The following NPIPB7 variants were observed in gnomAD, a reference collection of about 807,000 sequenced individuals.
The protein encoded by NPIPB7 is nuclear pore complex interacting protein family member B7.
For synonymous variants in NPIPB7, 9 were observed against 88.1 expected (o/e 0.10, Z 5.03); for missense variants, 14 against 238.5 (o/e 0.06, Z 6.20).
At chr16:28,465,479 G>T (rs1177261183) in intron 2 of NPIPB7, among the ~76,000 whole-genome samples, 28 of 133,322 alleles carry the variant, frequency 2.1e-4, no homozygotes, top group African/African-American at 7.5e-4. Flanking sequence ...AGGGAGACTC[G>T]TCTCGGGGGT....
intron 2 of NPIPB7, among the ~76,000 whole-genome samples, chr16:28,465,537 A>T (rs1378991310): frequency 1.1e-4 from 16 of 148,186 alleles, no homozygotes; most frequent in African/African-American, 3.9e-4. Context: ...TTATACCGAA[A>T]ATTCTCTGTT....
chr16:28,459,039 C>CA (rs1176997255), intron 4 of NPIPB7, among the ~76,000 whole-genome samples: 1 of 111,696 alleles, frequency 9.0e-6, no homozygotes, highest in Non-Finnish European at 2.0e-5. Flanking sequence ...AAAACAAAAA[C>CA]AAAAACAAAA....
chr16:28,469,275 C>G (rs71225383), intron 1 of NPIPB7, among the ~76,000 whole-genome samples: 1,337 of 101,088 alleles, frequency 0.013, 5 homozygotes, highest in Middle Eastern at 0.026. Context: ...GCTGGGAAGA[C>G]TGAGAGTTCA....
chr16:28,470,537 G>T (rs1596614776), exon 1 of NPIPB7: 2 of 425,406 alleles, frequency 4.7e-6, no homozygotes, highest in African/African-American at 4.7e-5. Flanking sequence ...GGCCGGATCT[G>T]AGTTGGGGCG....
intron 2 of NPIPB7, among the ~76,000 whole-genome samples, chr16:28,463,370 G>A (rs1166605150): frequency 1.7e-5 from 2 of 115,940 alleles, no homozygotes; most frequent in African/African-American, 3.2e-5. Context: ...CAGCCTGAGC[G>A]ACAGAATGAG....
chr16:28,470,596 GAGGGGA>G (rs2045941351), upstream of NPIPB7: 5 of 44,772 alleles, frequency 1.1e-4, no homozygotes, highest in African/African-American at 1.0e-3. Flanking sequence ...AGGGGAGGGG[GAGGGGA>G]AGGGGAAGGG....
In NPIPB7 at chr16:28,468,702, G is replaced by T. The variant is rs1425626288; in HGVS notation, c.66+1671C>A. On this transcript the variant is annotated intron_variant, in intron 1 of 6. Transcript: ENST00000452313. ...CGTGCCTACAGTTCCAGCTACTTGG[G>T]AGGCTGAGGCAGAAGAATCACTTGA... Among the ~76,000 whole-genome samples, 3 of 138,984 alleles carry T rather than the reference G, an allele frequency of 2.2e-5. No homozygotes were observed. In the East Asian group the frequency reaches 6.1e-4, roughly 28 times the overall value. 91.2% of individuals were successfully genotyped at this position (138,984 alleles called of 152,430 possible).
intron 1 of NPIPB7, among the ~76,000 whole-genome samples, chr16:28,470,166 C>A (rs1308749251): frequency 2.2e-5 from 3 of 135,462 alleles, no homozygotes; most frequent in Non-Finnish European, 4.7e-5. Flanking sequence ...TACGCACCAC[C>A]AGGCCCGACT....
chr16:28,470,176 T>A (rs1419738020), intron 1 of NPIPB7, among the ~76,000 whole-genome samples, 197 bp downstream of exon 1: 5 of 132,180 alleles, frequency 3.8e-5, no homozygotes, highest in South Asian at 5.7e-4. Flanking sequence ...CAGGCCCGAC[T>A]AATCTTTTTT....
intron 2 of NPIPB7, among the ~76,000 whole-genome samples, chr16:28,463,727 CAAAAAAAAAA>C (rs1199745082): frequency 4.0e-4 from 6 of 15,094 alleles, no homozygotes; most frequent in Non-Finnish European, 1.4e-3. Flanking sequence ...AACTCTGTCT[CAAAAAAAAAA>C]AAAAAAAAAA....
chr16:28,469,256 AAG>A (rs2045924855), intron 1 of NPIPB7, among the ~76,000 whole-genome samples: 1 of 121,078 alleles, frequency 8.3e-6, no homozygotes, highest in Admixed American at 9.3e-5. Flanking sequence ...TATGATAAGA[AAG>A]AGACTGGCTG....
At chr16:28,469,603 A>C (rs1240440010) in intron 1 of NPIPB7, 2 of 234,824 alleles carry the variant, frequency 8.5e-6, no homozygotes, top group Admixed American at 5.9e-5. Context: ...TCTCAAAAAA[A>C]TAAATAAATA....
At chr16:28,461,828 G>T (rs1396860068) in intron 4 of NPIPB7, among the ~76,000 whole-genome samples, 2 of 140,454 alleles carry the variant, frequency 1.4e-5, no homozygotes, top group Non-Finnish European at 3.0e-5. Context: ...TATGCCTGTA[G>T]TCCCAGCTAC....
chr16:28,462,217 C>G lies in NPIPB7; in HGVS notation c.545+457G>C, dbSNP rs1408228161. On this transcript the variant is annotated intron_variant, in intron 4 of 6. Transcript: ENST00000452313. ...GGTGGATTACCTGAGGTCAGAAGTT[C>G]GAGACCAGCCTGGACAACATGGTGA... Among the ~76,000 whole-genome samples the G allele has an allele frequency of 2.9e-3, 426 of 148,898 alleles. 5 individuals are homozygous for G. The highest frequency in any genetic ancestry group is 0.01 in the African/African-American group (403 of 39,846).
intron 1 of NPIPB7, among the ~76,000 whole-genome samples, chr16:28,470,022 T>A (rs1297804316): frequency 6.9e-6 from 1 of 145,640 alleles, no homozygotes; most frequent in Non-Finnish European, 1.5e-5. Context: ...TCAAATGACA[T>A]TTCACTTTGT....
exon 1 of NPIPB7, chr16:28,470,528 G>T (rs1417425538): frequency 4.4e-6 from 3 of 687,732 alleles, no homozygotes; most frequent in Admixed American, 5.7e-5. Context: ...GGGGACCGGG[G>T]CCGGATCTGA....
At chr16:28,463,662 G>T (rs955229062) in intron 2 of NPIPB7, among the ~76,000 whole-genome samples, 3 of 107,134 alleles carry the variant, frequency 2.8e-5, no homozygotes, top group Non-Finnish European at 6.0e-5. Flanking sequence ...GCAAGAAAAG[G>T]TTGTGGTGAG....
upstream of NPIPB7, among the ~76,000 whole-genome samples, chr16:28,471,833 G>T (rs1408183092): frequency 1.3e-5 from 2 of 151,582 alleles, no homozygotes; most frequent in South Asian, 2.1e-4. Flanking sequence ...AAATGAGGGG[G>T]AGAAAACCAA....
At chr16:28,469,528 G>A (rs1165730648) in intron 1 of NPIPB7, among the ~76,000 whole-genome samples, 266 of 145,810 alleles carry the variant, frequency 1.8e-3, no homozygotes, top group Middle Eastern at 6.9e-3. Flanking sequence ...AACCTGGGAA[G>A]CAGAGGTTGC....
Sources: gnomAD v4.1 joint callset for allele counts (sites outside exome capture counted in the v4.1 genomes callset) on GRCh38, gnomAD v4.1.1 for gene constraint, MANE v1.5 for transcripts, NCBI Gene and HGNC (gene_info 2026-07-23, HGNC 2026-07-21) for gene names.